The following ELMO2 variants were observed in gnomAD, a reference collection of about 807,000 sequenced individuals.
The protein encoded by ELMO2 is engulfment and cell motility 2.
In ELMO2, 37 loss-of-function variants were observed where a neutral mutation model predicts 96.2. The observed-to-expected ratio is 0.38, with a 90% confidence interval of 0.30 to 0.51. ELMO2 has a LOEUF of 0.51. Among genes scored for constraint, ELMO2 ranks in the 20% least tolerant of loss-of-function variants. ELMO2 has a pLI of 0.88. For missense variants in ELMO2, 561 were observed against 912.6 expected (o/e 0.61, Z 4.96); for synonymous variants, 315 against 329.4 (o/e 0.96, Z 0.47).
At chr20:46,376,745 G>A (rs533451096) in intron 11 of ELMO2, 2 of 1,289,328 alleles carry the variant, frequency 1.6e-6, no homozygotes, top group South Asian at 1.2e-5. Context: ...TTGCCCAAAT[G>A]AGGCTCTCCT....
intron 5 of ELMO2, 106 bp downstream of exon 5, chr20:46,393,423 C>T: frequency 8.0e-7 from 1 of 1,257,786 alleles, no homozygotes; most frequent in East Asian, 2.3e-5. Flanking sequence ...CTTTACCCAA[C>T]ACATGGAAGC....
chr20:46,377,980 C>T (rs1246202302), intron 11 of ELMO2, among the ~76,000 whole-genome samples: 3 of 152,178 alleles, frequency 2.0e-5, no homozygotes, highest in African/African-American at 7.2e-5. Context: ...CTCCACTGCT[C>T]CCTCTCTCTA....
chr20:46,373,570 C>T (rs765501425), intron 15 of ELMO2, 35 bp from the exon 16 acceptor site: 5 of 1,611,516 alleles, frequency 3.1e-6, no homozygotes, highest in Non-Finnish European at 4.2e-6. Context: ...AAGATGAAGC[C>T]TCTGTCCACA....
In ELMO2 at chr20:46,386,201, C is replaced by G; in HGVS notation, c.600G>C (p.Met200Ile). The stretch of plus-strand genomic sequence containing the variant: ...GGTACAGACTCTGGCTGTTCAAGAC[C>G]ATGCTCTCCAGGATGGCCAGGGACC... ...LQRSLAILES[M>I]VLNSQSLYQK... Residue 200 changes from methionine (M) to isoleucine (I), a missense_variant, in exon 9 of 22, where the codon ATG (methionine) becomes ATC (isoleucine). Met to Ile is a conservative substitution (Grantham distance 10). Coordinates refer to ENST00000290246, the MANE Select transcript of ELMO2 (RefSeq NM_133171.5). 6.2e-7 allele frequency: 1 copy of G among 1,614,144 alleles called. No homozygotes were observed. Among genetic ancestry groups the G allele is most frequent in the Non-Finnish European group, 8.5e-7 (1 of 1,180,020 alleles).
chr20:46,373,171 A>T (rs1468938068), intron 16 of ELMO2: 2 of 541,684 alleles, frequency 3.7e-6, no homozygotes, highest in African/African-American at 3.8e-5. Context: ...TGCTAACTTC[A>T]ATGGACAAAT....
intron 1 of ELMO2, among the ~76,000 whole-genome samples, chr20:46,405,055 T>A (rs1164192992): frequency 1.3e-5 from 2 of 152,226 alleles, no homozygotes; most frequent in African/African-American, 4.8e-5. Flanking sequence ...ATTTATTTGG[T>A]AAATATTTAT....
At chr20:46,372,071 A>C in intron 16 of ELMO2, 102 bp from the exon 17 acceptor site, 3 of 1,476,536 alleles carry the variant, frequency 2.0e-6, no homozygotes, top group Non-Finnish European at 2.8e-6. Flanking sequence ...GGTCTTGAGC[A>C]GGGCAGGCAC....
Position 46,371,312 on chromosome 20 carries a change from G to A in ELMO2, c.1801+40C>T. The A allele has an allele frequency of 6.3e-7, 1 of 1,598,076 alleles. No homozygotes were observed. Among genetic ancestry groups the A allele is most frequent in the Non-Finnish European group, 8.6e-7 (1 of 1,165,848 alleles). ...GACTAGAACTCCTGTCTCCTGACAA[G>A]TCCAGCAACCATGACACATCAACAG... On this transcript the variant is annotated intron_variant, in intron 19 of 21. Coordinates refer to ENST00000290246, the MANE Select transcript of ELMO2 (RefSeq NM_133171.5). The surrounding 1 kb of genome is among the most constrained non-coding windows in gnomAD (Gnocchi z 5.9).
In ELMO2 at chr20:46,371,896, C is replaced by T. The variant is rs1274898861; in HGVS notation, c.1490G>A (p.Ser497Asn). 2.5e-6 allele frequency: 4 copies of T among 1,614,224 alleles called. No homozygotes were observed. In the South Asian group the frequency reaches 3.3e-5, roughly 13 times the overall value. ...SKPNSLDQFK[S>N]KLRSLSYSEI... ...AGAGTAACTCAGGCTACGCAATTTG[C>T]TCTTGAACTGATCCAAAGAGTTGGG... The change falls in exon 17 of 22, where the codon AGC becomes AAC. Residue 497 changes from serine to asparagine, a missense_variant. Ser to Asn is a conservative substitution (Grantham distance 46, BLOSUM62 1). Transcript: ENST00000290246. The surrounding 1 kb of genome is among the most constrained non-coding windows in gnomAD (Gnocchi z 5.9).
Position 46,393,521 on chromosome 20 carries a change from G to A in ELMO2, c.192+8C>T, listed in dbSNP as rs530933417. 1.2e-5 allele frequency: 20 copies of A among 1,614,062 alleles called. No individual in the cohort carries two copies. In the South Asian group the frequency reaches 1.9e-4, roughly 15 times the overall value. ...GCCCATATTGATTTTGCCTCTCCCT[G>A]TACTAACCTGTTCGGTGATGTACAG... On this transcript the variant is annotated splice_region_variant and intron_variant, in intron 5 of 21. Transcript: ENST00000290246.
chr20:46,383,294 G>A, intron 10 of ELMO2, 122 bp downstream of exon 10: 1 of 1,055,598 alleles, frequency 9.5e-7, no homozygotes, highest in South Asian at 1.3e-5. Flanking sequence ...AGACCAGACA[G>A]CTAAGAGGAA....
At position 46,380,237 on chromosome 20, in the gene ELMO2, T is replaced by C. The variant is rs766497098; in HGVS notation, c.807+16A>G. ...TTGTTAATAGTAATAAAATACAGCA[T>C]GTTCCAGGAACTCACATTCAGGATT... On this transcript the variant is annotated intron_variant, in intron 11 of 21. Coordinates refer to ENST00000290246, the MANE Select transcript of ELMO2 (RefSeq NM_133171.5). 11 of 1,603,632 alleles carry C rather than the reference T, an allele frequency of 6.9e-6. No individual in the cohort carries two copies. In the South Asian group the frequency reaches 1.2e-4, roughly 18 times the overall value.
At chr20:46,405,792 G>A (rs1052551260) in intron 1 of ELMO2, among the ~76,000 whole-genome samples, 1 of 152,198 alleles carries the variant, frequency 6.6e-6, no homozygotes, top group Non-Finnish European at 1.5e-5. Context: ...GCTGAGGCAG[G>A]AGAATAGCTG....
intron 11 of ELMO2, chr20:46,376,621 T>C (rs2059864266): frequency 1.0e-5 from 13 of 1,289,248 alleles, no homozygotes; most frequent in African/African-American, 1.5e-5. Flanking sequence ...CATTCCTGTC[T>C]CTCACCATCC....
In ELMO2 at chr20:46,374,517, C is replaced by T. The variant is rs1449661461; in HGVS notation, c.1170+19G>A. On this transcript the variant is annotated intron_variant, in intron 14 of 21. Coordinates refer to ENST00000290246, the MANE Select transcript of ELMO2 (RefSeq NM_133171.5). The stretch of plus-strand genomic sequence containing the variant: ...AGATGTGGCACCAGGACTGAGAAGG[C>T]CAGCTCCCCTGCCTTTACCCGGATG... 6.2e-7 allele frequency: 1 copy of T among 1,613,496 alleles called. No homozygotes were observed. The highest frequency in any genetic ancestry group is 1.7e-5 in the Admixed American group (1 of 60,018).
chr20:46,372,308 G>A (rs928664532), intron 16 of ELMO2, among the ~76,000 whole-genome samples: 8 of 152,124 alleles, frequency 5.3e-5, no homozygotes, highest in African/African-American at 1.4e-4. Context: ...TCTCTAAACC[G>A]AGAGAAAGGA....
Position 46,394,558 on chromosome 20 carries a change from G to A in ELMO2, c.-50-26C>T, listed in dbSNP as rs983686130. ...CTGGGGAGAAAGAATCAGAAAGGTG[G>A]AAAAAGAGTATTTCTTCATTTTTCA... On this transcript the variant is annotated intron_variant, in intron 2 of 21. Transcript: ENST00000290246. 7.4e-5 allele frequency: 111 copies of A among 1,498,482 alleles called. 2 individuals are homozygous for A. In the Middle Eastern group the frequency reaches 8.6e-4, roughly 12 times the overall value. 92.8% of individuals were successfully genotyped at this position (1,498,482 alleles called of 1,614,324 possible). A position where few individuals can be genotyped will look rare whatever the true frequency, so the allele number is the denominator to read the frequency against.
chr20:46,371,807 C>T lies in ELMO2; in HGVS notation c.1579G>A (p.Val527Met). 6.2e-7 allele frequency: 1 copy of T among 1,614,182 alleles called. No homozygotes were observed. The highest frequency in any genetic ancestry group is 8.5e-7 in the Non-Finnish European group (1 of 1,180,012). The part of the protein sequence containing the change: ...SQDDFQSPPI[V>M]ELREKIQPEI... ...AGCCTCCCCTGAGATGGAACTTACA[C>T]AATTGGCGGGGACTGGAAGTCATCC... The change falls in exon 17 of 22, where the codon GTG (valine) becomes ATG (methionine). Residue 527 changes from valine (V) to methionine (M), a missense_variant and splice_region_variant. Transcript: ENST00000290246. The surrounding 1 kb of genome is among the most constrained non-coding windows in gnomAD (Gnocchi z 5.9).
At chr20:46,394,970 A>G (rs927896151) in intron 2 of ELMO2, among the ~76,000 whole-genome samples, 1 of 152,202 alleles carries the variant, frequency 6.6e-6, no homozygotes, top group Non-Finnish European at 1.5e-5. Flanking sequence ...GGAAGATCCC[A>G]GCATCAGCAG....
Sources: gnomAD v4.1 joint callset for allele counts (sites outside exome capture counted in the v4.1 genomes callset) on GRCh38, gnomAD v4.1.1 for gene constraint, Gnocchi (gnomAD v3.1) non-coding constraint, MANE v1.5 for transcripts, NCBI Gene and HGNC (gene_info 2026-07-23, HGNC 2026-07-21) for gene names.